Variants in IL1RAPL1 observed in about 807,000 individuals in gnomAD.
The protein encoded by IL1RAPL1 is interleukin-1 receptor accessory protein-like 1.
In IL1RAPL1, 3 loss-of-function variants were observed where a neutral mutation model predicts 48.4. That is an observed-to-expected ratio of 0.06 (90% CI 0.03 to 0.16). The LOEUF (loss-of-function observed/expected upper bound fraction) is 0.16, where lower values mean the gene tolerates loss of function less well. IL1RAPL1 is among the 10% of genes least tolerant of loss of function. IL1RAPL1 has a pLI of 1.00. For synonymous variants in IL1RAPL1, 185 were observed against 187.7 expected (o/e 0.99, Z 0.12); for missense variants, 349 against 530.6 (o/e 0.66, Z 3.36).
At chrX:29,313,825 A>G (rs1229902246) in intron 3 of IL1RAPL1, among the ~76,000 whole-genome samples, 2 of 112,089 alleles carry the variant, frequency 1.8e-5, no homozygotes, top group Admixed American at 9.4e-5. Context: ...AAGTTTATCC[A>G]TTCATATCAA....
intron 2 of IL1RAPL1, among the ~76,000 whole-genome samples, chrX:29,185,349 A>G (rs1279956107): frequency 9.0e-6 from 1 of 111,527 alleles, no homozygotes; most frequent in African/African-American, 3.3e-5. Flanking sequence ...AATGGCATGT[A>G]TTCCTAACCT....
intron 1 of IL1RAPL1, among the ~76,000 whole-genome samples, chrX:28,728,821 A>C (rs1030420010): frequency 7.2e-5 from 8 of 111,560 alleles, no homozygotes; most frequent in African/African-American, 2.6e-4. Context: ...GTCAAGTAGG[A>C]AACTCATTTA....
intron 2 of IL1RAPL1, among the ~76,000 whole-genome samples, chrX:29,104,693 G>A (rs1212163096): frequency 2.7e-5 from 3 of 111,008 alleles, no homozygotes; most frequent in Non-Finnish European, 3.8e-5. Flanking sequence ...TGATGTGATT[G>A]TCAGGTATTA....
intron 5 of IL1RAPL1, among the ~76,000 whole-genome samples, chrX:29,461,087 A>G (rs186262162): frequency 1.1e-4 from 12 of 112,193 alleles, no homozygotes; most frequent in Admixed American, 1.0e-3. Context: ...CTTGATAATA[A>G]TAAGAAAAAC....
At chrX:29,480,858 A>G (rs1027803188) in intron 5 of IL1RAPL1, among the ~76,000 whole-genome samples, 2 of 111,291 alleles carry the variant, frequency 1.8e-5, no homozygotes, top group African/African-American at 6.5e-5. Context: ...TCATGCTATC[A>G]TTTTATGGCT....
At chrX:28,655,086 C>T (rs1934734508) in intron 1 of IL1RAPL1, among the ~76,000 whole-genome samples, 1 of 110,858 alleles carries the variant, frequency 9.0e-6, no homozygotes, top group Non-Finnish European at 1.9e-5. Flanking sequence ...TGAACTGCTT[C>T]CAAAGAAATT....
intron 5 of IL1RAPL1, among the ~76,000 whole-genome samples, chrX:29,470,481 C>T (rs1197434962): frequency 9.0e-6 from 1 of 111,156 alleles, no homozygotes; most frequent in African/African-American, 3.3e-5. Context: ...ACCTCAATAC[C>T]ACATACCCCT....
chrX:28,787,110 A>G (rs1256871024), intron 1 of IL1RAPL1, among the ~76,000 whole-genome samples: 4 of 112,394 alleles, frequency 3.6e-5, no homozygotes, highest in Non-Finnish European at 5.6e-5. Flanking sequence ...TACCAAATTG[A>G]TGCTTTCCAC....
chrX:29,646,303 G>T (rs1391590074), intron 5 of IL1RAPL1, among the ~76,000 whole-genome samples: 2 of 111,552 alleles, frequency 1.8e-5, no homozygotes, highest in Non-Finnish European at 3.8e-5. Flanking sequence ...AAAGATATAA[G>T]GAATGAAATA....
chrX:29,594,263 T>A (rs1488886837), intron 5 of IL1RAPL1, among the ~76,000 whole-genome samples: 1 of 112,186 alleles, frequency 8.9e-6, no homozygotes, highest in African/African-American at 3.2e-5. Context: ...TTTCTGTTTC[T>A]GTGTTGAATT....
chrX:29,581,835 A>G (rs1239286551), intron 5 of IL1RAPL1, among the ~76,000 whole-genome samples: 2 of 111,615 alleles, frequency 1.8e-5, no homozygotes, highest in Non-Finnish European at 3.8e-5. Context: ...TAAACTGTTG[A>G]TTGAGCACAG....
chrX:29,868,820 T>C (rs776802128), intron 6 of IL1RAPL1, among the ~76,000 whole-genome samples: 205 of 112,340 alleles, frequency 1.8e-3, no homozygotes, highest in African/African-American at 5.7e-3. Flanking sequence ...CAATTTTAGG[T>C]TCTCACTGGG....
At chrX:29,719,128 G>A (rs2147124463) in intron 6 of IL1RAPL1, among the ~76,000 whole-genome samples, 1 of 111,280 alleles carries the variant, frequency 9.0e-6, no homozygotes, top group South Asian at 3.8e-4. Flanking sequence ...TAGGTATTTA[G>A]TAAGATCTTT....
chrX:29,566,933 C>A (rs958528303), intron 5 of IL1RAPL1, among the ~76,000 whole-genome samples: 1 of 111,271 alleles, frequency 9.0e-6, no homozygotes, highest in Non-Finnish European at 1.9e-5. Flanking sequence ...GATACAGAGG[C>A]AAAGAGATCT....
chrX:29,917,449 C>T lies in IL1RAPL1; in HGVS notation c.779-15C>T, dbSNP rs1244163605. The T allele has an allele frequency of 3.0e-5, 36 of 1,204,750 alleles. No individual in the cohort carries two copies. The highest frequency in any genetic ancestry group is 3.9e-5 in the Non-Finnish European group (35 of 890,829). On this transcript the variant is annotated splice_polypyrimidine_tract_variant and intron_variant, in intron 6 of 10. Coordinates refer to ENST00000378993, the MANE Select transcript of IL1RAPL1 (RefSeq NM_014271.4). ...AAATAGTTTTATAACACTTTTCCAT[C>T]ACTTCTCTCTGCAGGTGACTCTGCT...
At chrX:28,773,155 C>A (rs769502478) in intron 1 of IL1RAPL1, among the ~76,000 whole-genome samples, 2 of 110,666 alleles carry the variant, frequency 1.8e-5, no homozygotes, top group South Asian at 7.8e-4. Context: ...CACACTGCAG[C>A]CTCGAACTCC....
intron 6 of IL1RAPL1, among the ~76,000 whole-genome samples, chrX:29,729,449 C>T (rs1409549233): frequency 9.0e-6 from 1 of 111,579 alleles, no homozygotes; most frequent in Non-Finnish European, 1.9e-5. Context: ...ATTCTTCTTT[C>T]CCCTCTCCTC....
At chrX:28,767,156 C>T (rs1002935466) in intron 1 of IL1RAPL1, among the ~76,000 whole-genome samples, 1 of 111,650 alleles carries the variant, frequency 9.0e-6, no homozygotes, top group African/African-American at 3.3e-5. Context: ...ACATTTCCAA[C>T]AGTGTATAAA....
intron 5 of IL1RAPL1, among the ~76,000 whole-genome samples, chrX:29,494,092 G>A (rs1474094024): frequency 1.8e-5 from 2 of 109,277 alleles, no homozygotes; most frequent in Admixed American, 9.8e-5. Context: ...TAGTGGAGAC[G>A]GGGTTTCACC....
Sources: allele counts gnomAD v4.1 joint callset (sites outside exome capture counted in the v4.1 genomes callset), GRCh38; gene constraint gnomAD v4.1.1; transcripts MANE v1.5; gene names NCBI Gene and HGNC (gene_info 2026-07-23, HGNC 2026-07-21).